Variants in RPTOR observed in about 807,000 individuals in gnomAD.
RPTOR encodes regulatory-associated protein of mTOR.
Under a neutral mutation model 169.9 loss-of-function variants are expected in RPTOR, and 21 were observed. That is an observed-to-expected ratio of 0.12 (90% CI 0.09 to 0.18). The LOEUF (loss-of-function observed/expected upper bound fraction) is 0.18. RPTOR is among the 10% of genes least tolerant of loss of function. The pLI is 1.00. For missense variants in RPTOR, 1,133 were observed against 1,855.9 expected, an observed-to-expected ratio of 0.61 and a Z score of 7.16; for synonymous variants, 732 against 753.2, an observed-to-expected ratio of 0.97 and a Z score of 0.46.
chr17:80,741,523 C>T (rs566875163), intron 5 of RPTOR, among the ~76,000 whole-genome samples: 41 of 152,246 alleles, frequency 2.7e-4, no homozygotes, highest in African/African-American at 8.2e-4. Flanking sequence ...AGCTGTCTCC[C>T]GAGCCAGGAG....
intron 2 of RPTOR, 146 bp downstream of exon 2, chr17:80,625,939 C>T (rs1268304067): frequency 1.6e-6 from 1 of 622,636 alleles, no homozygotes; most frequent in South Asian, 1.9e-5. Flanking sequence ...GTCACATCAC[C>T]TTTGAGTAAT....
At chr17:80,744,492 GC>G (rs1378738112) in intron 5 of RPTOR, among the ~76,000 whole-genome samples, 6 of 100,146 alleles carry the variant, frequency 6.0e-5, no homozygotes, top group African/African-American at 1.0e-4. Context: ...CACAGCCCTG[GC>G]TACTAGCACT....
intron 1 of RPTOR, among the ~76,000 whole-genome samples, chr17:80,614,184 C>T (rs1306388544): frequency 1.3e-5 from 2 of 152,172 alleles, no homozygotes; most frequent in Non-Finnish European, 2.9e-5. Flanking sequence ...CACATACTCA[C>T]CAAGCCACAT....
chr17:80,575,587 T>C (rs1717275054), intron 1 of RPTOR, among the ~76,000 whole-genome samples: 1 of 152,190 alleles, frequency 6.6e-6, no homozygotes, highest in South Asian at 2.1e-4. Context: ...CATACATGCA[T>C]GCACACGCTT....
intron 9 of RPTOR, among the ~76,000 whole-genome samples, chr17:80,831,893 A>G (rs1437778628): frequency 6.6e-6 from 1 of 152,162 alleles, no homozygotes; most frequent in Non-Finnish European, 1.5e-5. Context: ...ATCACTGTGC[A>G]CACAGTAAAA....
intron 6 of RPTOR, among the ~76,000 whole-genome samples, chr17:80,763,956 T>C (rs893569711): frequency 2.0e-5 from 3 of 152,098 alleles, no homozygotes; most frequent in Non-Finnish European, 4.4e-5. Context: ...AATCTCTTTA[T>C]ACATATTGTT....
intron 3 of RPTOR, among the ~76,000 whole-genome samples, chr17:80,661,297 A>ACAAGG (rs1403716018): frequency 1.3e-5 from 2 of 152,188 alleles, no homozygotes; most frequent in African/African-American, 4.8e-5. Context: ...AAGTCTCAGC[A>ACAAGG]CAAGGCGGGT....
Position 80,965,215 on chromosome 17 carries a change from G to C in RPTOR, c.*885G>C, listed in dbSNP as rs570910935. 2.6e-4 allele frequency: 61 copies of C among 233,350 alleles called. No individual in the cohort carries two copies. The highest frequency in any genetic ancestry group is 1.0e-3 in the African/African-American group (47 of 45,490). The allele number at this position is 233,350 out of a possible 1,614,324, so 14.5% of individuals were successfully genotyped here. On this transcript the variant is annotated 3_prime_UTR_variant, in exon 34 of 34. Transcript: ENST00000306801. The stretch of plus-strand genomic sequence containing the variant: ...GTCTCCATGCCTGTGCCCTCACACA[G>C]GTGTAGCACACGCATGTGCAGATGG...
chr17:80,773,261 C>T (rs1032732705), intron 6 of RPTOR, among the ~76,000 whole-genome samples: 20 of 152,284 alleles, frequency 1.3e-4, no homozygotes, highest in Admixed American at 7.2e-4. Flanking sequence ...ACCAAAGCCC[C>T]GAGGGACTGT....
In RPTOR at chr17:80,646,412, C is replaced by T. The variant is rs1567837451; in HGVS notation, c.348+2602C>T. ...CACTTGCCCCGGTGCGCGTGGCACA[C>T]TGCTCCTCACAGCTTTCCGTGGGTT... On this transcript the variant is annotated intron_variant, in intron 3 of 33. Transcript: ENST00000306801. The surrounding 1 kb of genome is among the most constrained non-coding windows in gnomAD (Gnocchi z 5.0). Among the ~76,000 whole-genome samples, 1 of 152,160 alleles carries T rather than the reference C, an allele frequency of 6.6e-6. No homozygotes were observed.
At chr17:80,793,925 T>G (rs1325179535) in intron 7 of RPTOR, among the ~76,000 whole-genome samples, 2 of 152,210 alleles carry the variant, frequency 1.3e-5, no homozygotes, top group Non-Finnish European at 2.9e-5. Context: ...AGAGCTCAGG[T>G]CTCAGGACAG....
intron 5 of RPTOR, among the ~76,000 whole-genome samples, chr17:80,748,764 TTGGG>T (rs368014874): frequency 1.7e-4 from 8 of 46,098 alleles, no homozygotes; most frequent in Non-Finnish European, 2.8e-4. Flanking sequence ...GGAGGACCTG[TTGGG>T]TGGATGGAGG....
chr17:80,630,514 T>A (rs758054463), intron 2 of RPTOR, among the ~76,000 whole-genome samples: 12 of 152,222 alleles, frequency 7.9e-5, no homozygotes, highest in Non-Finnish European at 1.6e-4. Flanking sequence ...AGGCAGAAAT[T>A]TCTTCTTTCT....
intron 3 of RPTOR, among the ~76,000 whole-genome samples, chr17:80,675,394 T>C (rs556107538): frequency 2.0e-5 from 3 of 152,348 alleles, no homozygotes; most frequent in South Asian, 4.1e-4. Context: ...AGGTTTTCTA[T>C]CACACCCGGG....
Position 80,653,103 on chromosome 17 carries a change from A to G in RPTOR, c.348+9293A>G, listed in dbSNP as rs80345830. Among the ~76,000 whole-genome samples the G allele has an allele frequency of 1.8e-3, 270 of 152,238 alleles. 2 individuals are homozygous for G. In the East Asian group the frequency reaches 0.025, roughly 14 times the overall value. On this transcript the variant is annotated intron_variant, in intron 3 of 33. Coordinates refer to ENST00000306801, the MANE Select transcript of RPTOR (RefSeq NM_020761.3). ...TTGTTTGTCTTTATTGTTGAGTTCT[A>G]TGAGTTCAAAATGGAGACTTTTAAG...
chr17:80,765,813 C>T (rs2066781040), intron 6 of RPTOR, among the ~76,000 whole-genome samples: 1 of 152,170 alleles, frequency 6.6e-6, no homozygotes, highest in Non-Finnish European at 1.5e-5. Context: ...GAGGTTACCA[C>T]GACTTACTTA....
At chr17:80,831,532 A>G (rs923169460) in intron 9 of RPTOR, among the ~76,000 whole-genome samples, 2 of 152,218 alleles carry the variant, frequency 1.3e-5, no homozygotes, top group Admixed American at 1.3e-4. Context: ...CTTCTTAGAT[A>G]TGAGCAGTCC....
At chr17:80,796,919 A>G (rs1422756930) in intron 7 of RPTOR, among the ~76,000 whole-genome samples, 3 of 152,248 alleles carry the variant, frequency 2.0e-5, no homozygotes, top group African/African-American at 7.2e-5. Flanking sequence ...TTATACAGCA[A>G]TGGAGAAATC....
Position 80,966,339 on chromosome 17 carries a change from G to C in RPTOR, c.*2009G>C. On this transcript the variant is annotated 3_prime_UTR_variant, in exon 34 of 34. Transcript: ENST00000306801. ...ATGGTAATGTGAAGCTAAGAGCAGA[G>C]AGTGACCAACAGTAAACAACACGCG... 4.3e-6 allele frequency: 1 copy of C among 230,116 alleles called. No homozygotes were observed. Among genetic ancestry groups the C allele is most frequent in the Non-Finnish European group, 8.6e-6 (1 of 116,094 alleles). 14.3% of individuals were successfully genotyped at this position (230,116 alleles called of 1,614,324 possible).
Sources: allele counts gnomAD v4.1 joint callset (sites outside exome capture counted in the v4.1 genomes callset), GRCh38; gene constraint gnomAD v4.1.1; non-coding constraint Gnocchi (gnomAD v3.1); transcripts MANE v1.5; gene names NCBI Gene and HGNC (gene_info 2026-07-23, HGNC 2026-07-21).